The following KNG1 variants were observed in gnomAD, a reference collection of about 807,000 sequenced individuals.
KNG1 encodes the protein kininogen-1.
KNG1 carries 23 observed loss-of-function variants against 47.8 expected under a neutral mutation model. That is an observed-to-expected ratio of 0.48 (90% confidence interval 0.35 to 0.68). The LOEUF is 0.68. Ranked by LOEUF, KNG1 falls within the 30% of genes least tolerant of loss-of-function variation. The pLI, the probability that KNG1 is intolerant of heterozygous loss-of-function variation, is 0.01. For synonymous variants in KNG1, 277 were observed against 277.0 expected, an observed-to-expected ratio of 1.00 and a Z score of 0.00; for missense variants, 762 against 790.2, an observed-to-expected ratio of 0.96 and a Z score of 0.43.
chr3:186,717,849 ACCACCC>A (rs1720032898), intron 1 of KNG1, 112 bp downstream of exon 1: 2 of 574,514 alleles, frequency 3.5e-6, no homozygotes, highest in Non-Finnish European at 3.0e-6. Context: ...ACCACCACCC[ACCACCC>A]ACCACCATCA....
intron 2 of KNG1, among the ~76,000 whole-genome samples, chr3:186,721,047 T>C (rs5029992): frequency 0.42 from 64,305 of 151,672 alleles, 13,974 homozygotes; most frequent in South Asian, 0.61. Context: ...CCTCAGCCTC[T>C]CAAAGTGCTG....
chr3:186,719,333 T>G (rs1252347436), intron 1 of KNG1, among the ~76,000 whole-genome samples: 4 of 152,220 alleles, frequency 2.6e-5, no homozygotes, highest in Non-Finnish European at 5.9e-5. Context: ...AAATCACCCA[T>G]AATTAATTCC....
intron 2 of KNG1, chr3:186,720,639 G>C (rs140017047): frequency 3.5e-6 from 1 of 284,022 alleles, no homozygotes; most frequent in African/African-American, 2.2e-5. Flanking sequence ...GGCACTTTCT[G>C]CTGTATATGG....
chr3:186,717,370 G>A lies in KNG1; in HGVS notation c.-173G>A, dbSNP rs1322480549. 1.6e-5 allele frequency: 10 copies of A among 629,828 alleles called. No homozygotes were observed. The highest frequency in any genetic ancestry group is 2.6e-5 in the Non-Finnish European group (9 of 352,586). 39.0% of individuals were successfully genotyped at this position (629,828 alleles called of 1,614,324 possible). A position where few individuals can be genotyped will look rare whatever the true frequency, so the allele number is the denominator to read the frequency against. ...AACCCAGCAGAGCCATTTAACCTTT[G>A]GGAACAAGGCAACTAGCGTCTGGCA... On this transcript the variant is annotated 5_prime_UTR_variant, in exon 1 of 10. Coordinates refer to ENST00000644859, the MANE Select transcript of KNG1 (RefSeq NM_001102416.3).
Position 186,725,133 on chromosome 3 carries a change from T to C in KNG1, c.437T>C (p.Val146Ala). The change falls in exon 4 of 10, where the codon GTG (valine) becomes GCG (alanine). Residue 146 changes from valine (V) to alanine (A), a missense_variant. Physicochemically the swap from Val to Ala is moderately conservative, Grantham distance 64. Transcript: ENST00000644859. ...GCCCAGTACGACTGCCTCGGCTGTGTGCATCCTATATCAACGCAGAGCCCA... is the reference window on the plus strand; with the variant it reads ...GCCCAGTACGACTGCCTCGGCTGTGCGCATCCTATATCAACGCAGAGCCCA... ...VTAQYDCLGC[V>A]HPISTQSPDL... 6.2e-7 allele frequency: 1 copy of C among 1,614,158 alleles called. No individual in the cohort carries two copies. The highest frequency in any genetic ancestry group is 1.1e-5 in the South Asian group (1 of 91,078).
At chr3:186,733,285 T>C (rs1330711162) in intron 7 of KNG1, among the ~76,000 whole-genome samples, 1 of 151,866 alleles carries the variant, frequency 6.6e-6, no homozygotes, top group Admixed American at 6.6e-5. Context: ...ATAGCAACCA[T>C]GATATAATTA....
At chr3:186,720,380 T>C in intron 2 of KNG1, 165 bp downstream of exon 2, 1 of 637,416 alleles carries the variant, frequency 1.6e-6, no homozygotes, top group South Asian at 1.8e-5. Context: ...TGTTCTTGTA[T>C]AGACAGAAAA....
Position 186,744,112 on chromosome 3 carries a change from G to T in KNG1, c.*1781G>T. 1 of 370,920 alleles carries T rather than the reference G, an allele frequency of 2.7e-6. No homozygotes were observed. The allele number at this position is 370,920 out of a possible 1,614,324, so 23.0% of individuals were successfully genotyped here. The stretch of plus-strand genomic sequence containing the variant: ...TAGGCGGGACTTCCTTACCACCACG[G>T]GTGCTAAAAGAAGAGTTAGTAGGTC... On this transcript the variant is annotated 3_prime_UTR_variant, in exon 10 of 10. Transcript: ENST00000644859.
chr3:186,722,525 G>A lies in KNG1; in HGVS notation c.391+4G>A. 1 of 1,608,572 alleles carries A rather than the reference G, an allele frequency of 6.2e-7. No homozygotes were observed. The highest frequency in any genetic ancestry group is 8.5e-7 in the Non-Finnish European group (1 of 1,175,486). ...CAGACCTGCCAGATTACTCCAGGTGGCTGGTTTATCCTCTGGCACTGCCCT... is the reference window on the plus strand; with the variant it reads ...CAGACCTGCCAGATTACTCCAGGTGACTGGTTTATCCTCTGGCACTGCCCT... On this transcript the variant is annotated splice_donor_region_variant and intron_variant, in intron 3 of 9. Coordinates refer to ENST00000644859, the MANE Select transcript of KNG1 (RefSeq NM_001102416.3).
At position 186,742,142 on chromosome 3, in the gene KNG1, G is replaced by C. The variant is rs1206524967; in HGVS notation, c.1746G>C (p.Gln582His). Residue 582 changes from glutamine to histidine, a missense_variant, in exon 10 of 10, where the codon CAG (glutamine) becomes CAC (histidine). Gln to His is a conservative substitution (Grantham distance 24, BLOSUM62 0). Transcript: ENST00000644859. Reference protein sequence around the residue: ...MMPPISPAPIQSDDDWIPDIQ... With the variant: ...MMPPISPAPIHSDDDWIPDIQ... The stretch of plus-strand genomic sequence containing the variant: ...CTCCTATATCACCAGCTCCCATACA[G>C]AGTGATGACGATTGGATCCCTGATA... The C allele has an allele frequency of 5.6e-6, 9 of 1,614,116 alleles. No homozygotes were observed. The highest frequency in any genetic ancestry group is 1.7e-5 in the Admixed American group (1 of 60,022).
chr3:186,727,671 A>C (rs1388189146), intron 5 of KNG1, among the ~76,000 whole-genome samples: 3 of 152,074 alleles, frequency 2.0e-5, no homozygotes, highest in Non-Finnish European at 2.9e-5. Context: ...TCGCATGTTC[A>C]AGCTATTCTC....
At chr3:186,720,058 TGTTGGGTCA>T (rs1203467823) in intron 1 of KNG1, 38 bp from the exon 2 acceptor site, 1 of 1,202,336 alleles carries the variant, frequency 8.3e-7, no homozygotes, top group Admixed American at 1.7e-5. Context: ...AATTATTTGC[TGTTGGGTCA>T]GTTGGATGAA....
At position 186,743,515 on chromosome 3, in the gene KNG1, T is replaced by A; in HGVS notation, c.*1184T>A. Reference sequence around the variant, plus strand: ...CTACAATCATCTTTGGATGTATATGTCACTGCTGCTTCAAGTTATTGGATG... The same window carrying A: ...CTACAATCATCTTTGGATGTATATGACACTGCTGCTTCAAGTTATTGGATG... On this transcript the variant is annotated 3_prime_UTR_variant, in exon 10 of 10. Coordinates refer to ENST00000644859, the MANE Select transcript of KNG1 (RefSeq NM_001102416.3). 2 of 604,294 alleles carry A rather than the reference T, an allele frequency of 3.3e-6. No individual in the cohort carries two copies. Among genetic ancestry groups the A allele is most frequent in the Non-Finnish European group, 3.0e-6 (1 of 337,720 alleles). The allele number at this position is 604,294 out of a possible 1,614,324, so 37.4% of individuals were successfully genotyped here. A position where few individuals can be genotyped will look rare whatever the true frequency, so the allele number is the denominator to read the frequency against.
chr3:186,742,636 T>G lies in KNG1; in HGVS notation c.*305T>G. On this transcript the variant is annotated 3_prime_UTR_variant, in exon 10 of 10. Transcript: ENST00000644859. ...ATTGGCTTCTCTGATAACAAATATG[T>G]ACCTTACAACATATGTCATGAATTT... 8.3e-7 allele frequency: 1 copy of G among 1,198,744 alleles called. No homozygotes were observed. Among genetic ancestry groups the G allele is most frequent in the Non-Finnish European group, 1.0e-6 (1 of 960,930 alleles). 74.3% of individuals were successfully genotyped at this position (1,198,744 alleles called of 1,614,324 possible). A position where few individuals can be genotyped will look rare whatever the true frequency, so the allele number is the denominator to read the frequency against.
rs983620616 is a variant in KNG1, at chr3:186,717,416, C to T, written c.-127C>T. On this transcript the variant is annotated 5_prime_UTR_variant, in exon 1 of 10. Coordinates refer to ENST00000644859, the MANE Select transcript of KNG1 (RefSeq NM_001102416.3). ...TGGCAGCAGGAATCCAACCAGTGCC[C>T]TGAGTTCTGAGGCAGAGAGGAGGAC... The T allele has an allele frequency of 3.9e-6, 3 of 767,578 alleles. No homozygotes were observed. The highest frequency in any genetic ancestry group is 1.7e-5 in the African/African-American group (1 of 57,920). The allele number at this position is 767,578 out of a possible 1,614,324, so 47.5% of individuals were successfully genotyped here. A position where few individuals can be genotyped will look rare whatever the true frequency, so the allele number is the denominator to read the frequency against.
At chr3:186,734,018 G>C (rs1376000116) in intron 7 of KNG1, among the ~76,000 whole-genome samples, 1 of 152,142 alleles carries the variant, frequency 6.6e-6, no homozygotes, top group East Asian at 1.9e-4. Flanking sequence ...GTCTCTGACT[G>C]ATGTCATTAT....
intron 9 of KNG1, among the ~76,000 whole-genome samples, chr3:186,740,980 T>TG (rs1553794051): frequency 1.3e-5 from 2 of 149,344 alleles, no homozygotes; most frequent in Non-Finnish European, 3.0e-5. Context: ...TTTTTGTTTT[T>TG]TTTTTGTTGT....
At chr3:186,722,373 C>T (rs1003744987) in intron 2 of KNG1, 64 bp from the exon 3 acceptor site, 14 of 1,291,336 alleles carry the variant, frequency 1.1e-5, no homozygotes, top group African/African-American at 2.9e-5. Context: ...CATTTAGCAA[C>T]AGTATTAGGT....
intron 1 of KNG1, among the ~76,000 whole-genome samples, chr3:186,719,573 C>T (rs1394266748): frequency 6.6e-6 from 1 of 151,812 alleles, no homozygotes; most frequent in Non-Finnish European, 1.5e-5. Flanking sequence ...CTAAAAAATA[C>T]AAAAAAGTAG....
Sources: allele counts gnomAD v4.1 joint callset (sites outside exome capture counted in the v4.1 genomes callset), GRCh38; gene constraint gnomAD v4.1.1; transcripts MANE v1.5; gene names NCBI Gene and HGNC (gene_info 2026-07-23, HGNC 2026-07-21).